Variants in PTPRR observed in about 807,000 individuals in gnomAD.
PTPRR encodes the protein receptor-type tyrosine-protein phosphatase R.
A neutral mutation model predicts 77.2 loss-of-function variants in PTPRR; 38 were observed. The observed-to-expected ratio is 0.49, with a 90% CI of 0.38 to 0.65. PTPRR has a LOEUF of 0.65. PTPRR is among the 30% of genes least tolerant of loss of function. The probability of loss-of-function intolerance (pLI) is 0.00; values close to 1 mark genes in which losing one functional copy is unlikely to be tolerated. For synonymous variants in PTPRR, 299 were observed against 283.1 expected (o/e 1.06, Z -0.57); for missense variants, 744 against 799.2 (o/e 0.93, Z 0.83).
At chr12:70,639,336 C>A (rs1051303598) in intron 13 of PTPRR, 59 bp from the exon 14 acceptor site, 7 of 1,565,538 alleles carry the variant, frequency 4.5e-6, no homozygotes, top group Non-Finnish European at 5.2e-6. Context: ...TTTCAAGTAA[C>A]ACAGAGATTT....
intron 6 of PTPRR, among the ~76,000 whole-genome samples, chr12:70,742,848 C>A (rs1565677227): frequency 6.6e-6 from 1 of 152,020 alleles, no homozygotes; most frequent in South Asian, 2.1e-4. Flanking sequence ...GGAAAAACAA[C>A]ACGGAGAAGC....
chr12:70,733,479 A>AAAAAAAAAAAAAAAAAAAAAAAAAT (rs1889753835), intron 6 of PTPRR, among the ~76,000 whole-genome samples: 1 of 89,416 alleles, frequency 1.1e-5, no homozygotes, highest in Non-Finnish European at 2.1e-5. Flanking sequence ...GCAAAAAAAA[A>AAAAAAAAAAAAAAAAAAAAAAAAAT]AAGAAAAAAA....
At chr12:70,670,666 T>TG (rs1218625156) in intron 10 of PTPRR, among the ~76,000 whole-genome samples, 1 of 152,182 alleles carries the variant, frequency 6.6e-6, no homozygotes, top group Non-Finnish European at 1.5e-5. Context: ...AGAAGTAGTA[T>TG]GGGGGCTTTG....
intron 2 of PTPRR, among the ~76,000 whole-genome samples, chr12:70,796,279 C>G (rs1891512756): frequency 6.6e-6 from 1 of 152,014 alleles, no homozygotes; most frequent in Non-Finnish European, 1.5e-5. Flanking sequence ...TTTGACTACC[C>G]TGACATAGGC....
chr12:70,735,231 G>A (rs997984721), intron 6 of PTPRR, among the ~76,000 whole-genome samples: 4 of 152,122 alleles, frequency 2.6e-5, no homozygotes, highest in East Asian at 1.9e-4. Context: ...AATGTTAGAA[G>A]GTGATTAGTC....
chr12:70,891,475 G>A (rs1202337662), intron 2 of PTPRR, among the ~76,000 whole-genome samples: 1 of 152,082 alleles, frequency 6.6e-6, no homozygotes, highest in African/African-American at 2.4e-5. Context: ...TGCTACTCAT[G>A]TAAATGCAGA....
chr12:70,913,852 T>C (rs1464985575), intron 1 of PTPRR, among the ~76,000 whole-genome samples: 1 of 152,200 alleles, frequency 6.6e-6, no homozygotes, highest in Non-Finnish European at 1.5e-5. Context: ...AACAAATATA[T>C]TTAATATATG....
chr12:70,742,795 GAGA>G (rs756963184), intron 6 of PTPRR, among the ~76,000 whole-genome samples: 19 of 152,138 alleles, frequency 1.2e-4, no homozygotes, highest in Non-Finnish European at 2.6e-4. Flanking sequence ...AAACAGTTGG[GAGA>G]AGGTGCCAGG....
At chr12:70,857,610 G>C (rs1892675404) in intron 2 of PTPRR, among the ~76,000 whole-genome samples, 1 of 152,058 alleles carries the variant, frequency 6.6e-6, no homozygotes, top group African/African-American at 2.4e-5. Flanking sequence ...AGTGATGGTA[G>C]AACAAGAAAA....
chr12:70,669,836 G>C (rs925307666), intron 10 of PTPRR, among the ~76,000 whole-genome samples: 3 of 152,110 alleles, frequency 2.0e-5, no homozygotes, highest in African/African-American at 7.2e-5. Context: ...CTGGCCACAA[G>C]TGATCCTTTC....
At chr12:70,649,567 C>T (rs1886319947) in intron 13 of PTPRR, among the ~76,000 whole-genome samples, 1 of 152,066 alleles carries the variant, frequency 6.6e-6, no homozygotes, top group South Asian at 2.1e-4. Context: ...TTAGTTGGTT[C>T]CACCATTCCT....
At chr12:70,821,743 C>G (rs772346925) in intron 2 of PTPRR, among the ~76,000 whole-genome samples, 6 of 151,952 alleles carry the variant, frequency 3.9e-5, no homozygotes, top group Non-Finnish European at 8.8e-5. Context: ...CTCACCACTG[C>G]AAGCTCCGCC....
chr12:70,872,582 G>A (rs917061243), intron 2 of PTPRR, among the ~76,000 whole-genome samples: 1 of 150,734 alleles, frequency 6.6e-6, no homozygotes, highest in African/African-American at 2.4e-5. Flanking sequence ...TGTAGTCCCA[G>A]CTACTCGGGA....
At chr12:70,796,113 G>A (rs1289638320) in intron 2 of PTPRR, among the ~76,000 whole-genome samples, 2 of 151,500 alleles carry the variant, frequency 1.3e-5, no homozygotes, top group East Asian at 1.9e-4. Flanking sequence ...TAGTAGAGAC[G>A]GGGTTTCACT....
intron 5 of PTPRR, among the ~76,000 whole-genome samples, chr12:70,749,166 C>T (rs545579858): frequency 1.3e-5 from 2 of 152,002 alleles, no homozygotes; most frequent in East Asian, 3.9e-4. Context: ...ACAACAACAA[C>T]AACAACAAAC....
At chr12:70,645,029 A>G (rs1328100077) in intron 13 of PTPRR, among the ~76,000 whole-genome samples, 1 of 152,186 alleles carries the variant, frequency 6.6e-6, no homozygotes, top group Non-Finnish European at 1.5e-5. Context: ...GATTAAATGA[A>G]TCAGAGCATA....
At chr12:70,909,278 C>G (rs6581974) in intron 1 of PTPRR, among the ~76,000 whole-genome samples, 97,736 of 152,044 alleles carry the variant, frequency 0.64, 33,637 homozygotes, top group African/African-American at 0.9. Flanking sequence ...TGAGAACTCT[C>G]TTTGATTTCA....
intron 6 of PTPRR, among the ~76,000 whole-genome samples, chr12:70,711,260 G>A (rs769005683): frequency 1.3e-5 from 2 of 151,970 alleles, no homozygotes; most frequent in Non-Finnish European, 2.9e-5. Flanking sequence ...TGGGTCTGGA[G>A]GCCATTAGCC....
intron 2 of PTPRR, among the ~76,000 whole-genome samples, chr12:70,861,599 T>C (rs1466413822): frequency 3.3e-5 from 5 of 152,136 alleles, no homozygotes; most frequent in Non-Finnish European, 5.9e-5. Context: ...CAAAGCCTTA[T>C]GGAATGACTG....
Sources: gnomAD v4.1 joint callset for allele counts (sites outside exome capture counted in the v4.1 genomes callset) on GRCh38, gnomAD v4.1.1 for gene constraint, MANE v1.5 for transcripts, NCBI Gene and HGNC (gene_info 2026-07-23, HGNC 2026-07-21) for gene names.